Variants in PLXNA4 observed in about 807,000 individuals in gnomAD.
PLXNA4 encodes plexin A4.
PLXNA4 carries 44 observed loss-of-function variants against 191.8 expected under a neutral mutation model. The ratio of observed to expected loss-of-function variants is 0.23; its 90% CI spans 0.18 to 0.29. PLXNA4 has a LOEUF of 0.29. PLXNA4 is among the 10% of genes least tolerant of loss of function. PLXNA4 has a pLI of 1.00. For missense variants in PLXNA4, 1,800 were observed against 2,488.8 expected (o/e 0.72, Z 5.89); for synonymous variants, 1,082 against 1,009.5 (o/e 1.07, Z -1.36).
chr7:132,553,925 G>A (rs1800677801), intron 1 of PLXNA4, among the ~76,000 whole-genome samples: 1 of 152,106 alleles, frequency 6.6e-6, no homozygotes, highest in African/African-American at 2.4e-5. Context: ...TAAAACATGA[G>A]CAGAATTTCA....
In PLXNA4 at chr7:132,508,362, G is replaced by A. The variant is rs1309718991; in HGVS notation, c.332C>T (p.Thr111Ile). Residue 111 changes from threonine (T) to isoleucine (I), a missense_variant, in exon 2 of 32, where the codon ACC becomes ATC. Physicochemically the swap from Thr to Ile is moderately conservative, Grantham distance 89. This residue lies in a region of PLXNA4 where 1,397 missense variants were observed against 1,880.4 expected (regional missense o/e 0.74). Coordinates refer to ENST00000321063, the MANE Select transcript of PLXNA4 (RefSeq NM_020911.2). The surrounding 1 kb of genome is among the most constrained non-coding windows in gnomAD (Gnocchi z 4.4). ...VQTCNEPLTT[T>I]NNVNKMLLID... ...GAGGAGCATCTTGTTGACATTGTTGGTGGTGGTCAGGGGCTCATTGCAGGT... is the reference window on the plus strand; with the variant it reads ...GAGGAGCATCTTGTTGACATTGTTGATGGTGGTCAGGGGCTCATTGCAGGT... 8.7e-6 allele frequency: 14 copies of A among 1,614,200 alleles called. No homozygotes were observed. The highest frequency in any genetic ancestry group is 1.2e-5 in the Non-Finnish European group (14 of 1,180,044).
rs143936448 is a variant in PLXNA4, at chr7:132,403,849, C to T, written c.1371+85443G>A. Reference sequence around the variant, plus strand: ...AAAGTGGCCATCTGGACCCACTTGCCGACTTTTGGTGTCCTGTCCTCCTTC... The same window carrying T: ...AAAGTGGCCATCTGGACCCACTTGCTGACTTTTGGTGTCCTGTCCTCCTTC... On this transcript the variant is annotated intron_variant, in intron 3 of 31. Transcript: ENST00000321063. Among the ~76,000 whole-genome samples the T allele has an allele frequency of 3.9e-5, 6 of 152,218 alleles. No homozygotes were observed. The East Asian group carries it at 5.8e-4, about 15-fold the overall frequency.
intron 1 of PLXNA4, among the ~76,000 whole-genome samples, chr7:132,531,657 C>G (rs1186862954): frequency 1.3e-5 from 2 of 152,158 alleles, no homozygotes; most frequent in Non-Finnish European, 2.9e-5. Context: ...TGTAATAGAG[C>G]CAAAATCGAG....
At chr7:132,358,510 T>C (rs1803801969) in intron 3 of PLXNA4, among the ~76,000 whole-genome samples, 1 of 152,180 alleles carries the variant, frequency 6.6e-6, no homozygotes, top group Admixed American at 6.5e-5. Context: ...ATGACTGTGT[T>C]TTATTAGATT....
At chr7:132,293,154 G>C (rs1800954725) in intron 4 of PLXNA4, among the ~76,000 whole-genome samples, 1 of 152,148 alleles carries the variant, frequency 6.6e-6, no homozygotes, top group Non-Finnish European at 1.5e-5. Context: ...ATGGTAGGAG[G>C]GGTCCATGAA....
chr7:132,340,276 G>C (rs915921521), intron 3 of PLXNA4, among the ~76,000 whole-genome samples: 5 of 152,188 alleles, frequency 3.3e-5, no homozygotes, highest in African/African-American at 1.2e-4. Flanking sequence ...GCTTATTAAA[G>C]TTTAAGACTG....
intron 3 of PLXNA4, among the ~76,000 whole-genome samples, chr7:132,347,953 A>G (rs935980612): frequency 2.0e-4 from 30 of 152,218 alleles, no homozygotes; most frequent in African/African-American, 7.2e-4. Flanking sequence ...GCACCTTTCC[A>G]GGGATGGCTC....
At chr7:132,530,923 G>A (rs1799594719) in intron 1 of PLXNA4, among the ~76,000 whole-genome samples, 1 of 152,216 alleles carries the variant, frequency 6.6e-6, no homozygotes, top group African/African-American at 2.4e-5. Flanking sequence ...GTTTTGATAT[G>A]TCTAAATGAA....
intron 13 of PLXNA4, among the ~76,000 whole-genome samples, chr7:132,194,918 A>C (rs1417445139): frequency 6.6e-6 from 1 of 151,922 alleles, no homozygotes; most frequent in Non-Finnish European, 1.5e-5. Flanking sequence ...ATCTTTGCAG[A>C]CATAATATAT....
At chr7:132,180,552 C>T (rs753137726) in intron 19 of PLXNA4, 34 bp downstream of exon 19, 67 of 1,612,982 alleles carry the variant, frequency 4.2e-5, no homozygotes, top group Non-Finnish European at 4.5e-5. Flanking sequence ...CCCTACTGCC[C>T]GCTCCATCCA....
chr7:132,642,924 T>G (rs1178194115), intron 2 of PLXNA4, among the ~76,000 whole-genome samples: 1 of 152,176 alleles, frequency 6.6e-6, no homozygotes, highest in African/African-American at 2.4e-5. Flanking sequence ...CGATATAATT[T>G]GTGTTAAAAA....
At chr7:132,639,435 G>A (rs557937587) in intron 2 of PLXNA4, among the ~76,000 whole-genome samples, 30 of 152,234 alleles carry the variant, frequency 2.0e-4, no homozygotes, top group Non-Finnish European at 4.0e-4. Context: ...TGACATCATT[G>A]TGTGTATAAG....
chr7:132,295,763 C>T (rs6964570), intron 4 of PLXNA4, among the ~76,000 whole-genome samples: 9,622 of 152,188 alleles, frequency 0.063, 318 homozygotes, highest in Middle Eastern at 0.088. Context: ...ACTCTAAGCA[C>T]GGCCAGTGTC....
intron 1 of PLXNA4, among the ~76,000 whole-genome samples, chr7:132,532,320 C>A (rs1163129766): frequency 1.3e-5 from 2 of 152,206 alleles, no homozygotes; most frequent in African/African-American, 4.8e-5. Flanking sequence ...GCTTCAGAAT[C>A]ACTTGGTGGC....
intron 1 of PLXNA4, among the ~76,000 whole-genome samples, chr7:132,544,319 T>C (rs1164910443): frequency 6.6e-6 from 1 of 152,230 alleles, no homozygotes; most frequent in East Asian, 1.9e-4. Context: ...ATGGTGTCAC[T>C]ACAATCAGGC....
In PLXNA4 at chr7:132,508,241, C is replaced by T. The variant is rs779034372; in HGVS notation, c.453G>A (p.Glu151=). 16 of 1,614,094 alleles carry T rather than the reference C, an allele frequency of 9.9e-6. No homozygotes were observed. Among genetic ancestry groups the T allele is most frequent in the Non-Finnish European group, 1.4e-5 (16 of 1,180,054 alleles). Residue 151 remains glutamate (E), a synonymous_variant, in exon 2 of 32, where the codon GAG becomes GAA. Coordinates refer to ENST00000321063, the MANE Select transcript of PLXNA4 (RefSeq NM_020911.2). The surrounding 1 kb of genome is among the most constrained non-coding windows in gnomAD (Gnocchi z 4.4). ...LRLEDLFKLG[E]PYHKKEHYLS... Reference sequence around the variant, plus strand: ...GATAGTGCTCCTTCTTATGATAAGGCTCCCCCAGCTTGAAGAGGTCCTCCA... The same window carrying T: ...GATAGTGCTCCTTCTTATGATAAGGTTCCCCCAGCTTGAAGAGGTCCTCCA...
At chr7:132,276,489 G>T (rs916203683) in intron 4 of PLXNA4, among the ~76,000 whole-genome samples, 5 of 151,996 alleles carry the variant, frequency 3.3e-5, no homozygotes, top group African/African-American at 1.2e-4. Context: ...TTGTTGATGG[G>T]TGCCTGCAGG....
chr7:132,332,003 G>A (rs994459305), intron 3 of PLXNA4, among the ~76,000 whole-genome samples: 6 of 152,304 alleles, frequency 3.9e-5, no homozygotes, highest in East Asian at 3.9e-4. Flanking sequence ...TGGACAATGT[G>A]TATATCATCT....
intron 14 of PLXNA4, among the ~76,000 whole-genome samples, chr7:132,191,684 G>A (rs180865199): frequency 2.3e-3 from 344 of 152,020 alleles, no homozygotes; most frequent in Non-Finnish European, 3.9e-3. Context: ...GTTTCCTCCC[G>A]TTTTACTTTG....
Sources: allele counts gnomAD v4.1 joint callset (sites outside exome capture counted in the v4.1 genomes callset), GRCh38; gene constraint gnomAD v4.1.1; regional missense constraint gnomAD v4.1.1; non-coding constraint Gnocchi (gnomAD v3.1); transcripts MANE v1.5; gene names NCBI Gene and HGNC (gene_info 2026-07-23, HGNC 2026-07-21).